The following DIP2C variants were observed in gnomAD, a reference collection of about 807,000 sequenced individuals.
DIP2C encodes disco-interacting protein 2 homolog C.
In DIP2C, 33 loss-of-function variants were observed where a neutral mutation model predicts 192.4. The observed-to-expected ratio is 0.17, with a 90% CI of 0.13 to 0.23. The LOEUF (loss-of-function observed/expected upper bound fraction) is 0.23, where lower values mean the gene tolerates loss of function less well. DIP2C is among the 10% of genes least tolerant of loss of function. DIP2C has a pLI of 1.00. For synonymous variants in DIP2C, 979 were observed against 864.1 expected, an observed-to-expected ratio of 1.13 and a Z score of -2.33; for missense variants, 1,537 against 2,110.1, an observed-to-expected ratio of 0.73 and a Z score of 5.32.
intron 10 of DIP2C, among the ~76,000 whole-genome samples, chr10:398,812 A>C (rs201038817): frequency 6.9e-6 from 1 of 144,000 alleles, no homozygotes; most frequent in Non-Finnish European, 1.5e-5. Flanking sequence ...TTAAAAAAAA[A>C]CTATCATTTA....
intron 1 of DIP2C, among the ~76,000 whole-genome samples, chr10:601,358 G>C (rs536971239): frequency 1.9e-4 from 9 of 46,200 alleles, no homozygotes; most frequent in African/African-American, 3.4e-4. Context: ...TCCCATTTTA[G>C]ATGTCCAAAT....
intron 1 of DIP2C, among the ~76,000 whole-genome samples, chr10:643,341 G>A (rs898288474): frequency 6.6e-6 from 1 of 152,026 alleles, no homozygotes; most frequent in East Asian, 1.9e-4. Context: ...GTAAAACCCC[G>A]TCTCTACTAA....
rs572043688 is a variant in DIP2C, at chr10:617,468, T to C, written c.85+72026A>G. Among the ~76,000 whole-genome samples the C allele has an allele frequency of 2.7e-4, 41 of 152,294 alleles. No individual in the cohort carries two copies. The South Asian group carries it at 3.9e-3, about 15-fold the overall frequency. The stretch of plus-strand genomic sequence containing the variant: ...ACGGCATCCAGCACACGTGGGACCC[T>C]AGCCGTGTTGCCCTTGATGGGAATC... On this transcript the variant is annotated intron_variant, in intron 1 of 36. Coordinates refer to ENST00000280886, the MANE Select transcript of DIP2C (RefSeq NM_014974.3).
At chr10:653,567 T>G (rs1259915255) in intron 1 of DIP2C, among the ~76,000 whole-genome samples, 1 of 152,250 alleles carries the variant, frequency 6.6e-6, no homozygotes, top group Non-Finnish European at 1.5e-5. Context: ...TTACATGAGC[T>G]ACGCTGCAAG....
At chr10:447,584 A>T (rs1968367991) in intron 3 of DIP2C, among the ~76,000 whole-genome samples, 1 of 137,528 alleles carries the variant, frequency 7.3e-6, no homozygotes, top group Non-Finnish European at 1.5e-5. Context: ...GATAATCAGG[A>T]TCACACACAG....
chr10:281,010 C>T (rs1041546965), intron 36 of DIP2C, among the ~76,000 whole-genome samples, 190 bp downstream of exon 36: 5 of 152,192 alleles, frequency 3.3e-5, no homozygotes, highest in African/African-American at 7.2e-5. Context: ...ATATATGGTA[C>T]ATTAACTCTA....
chr10:390,083 C>A lies in DIP2C; in HGVS notation c.1505G>T (p.Cys502Phe). 2 of 1,613,996 alleles carry A rather than the reference C, an allele frequency of 1.2e-6. No individual in the cohort carries two copies. The highest frequency in any genetic ancestry group is 1.1e-5 in the South Asian group (1 of 91,048). The change falls in exon 13 of 37, where the codon TGT (cysteine) becomes TTT (phenylalanine). Residue 502 changes from cysteine to phenylalanine, a missense_variant. Transcript: ENST00000280886. ...CACACCCAGCACACTGCCATCCTTA[C>A]ACGTCTTGTACTGAAACGAGACAAA... ...NDTAYIEYKT[C>F]KDGSVLGVTV...
intron 1 of DIP2C, among the ~76,000 whole-genome samples, chr10:681,953 G>A (rs1026325014): frequency 1.3e-5 from 2 of 152,276 alleles, no homozygotes; most frequent in African/African-American, 4.8e-5. Flanking sequence ...CAGGGACCCA[G>A]AGACCAAGCC....
chr10:307,163 C>A (rs1027991348), intron 32 of DIP2C, among the ~76,000 whole-genome samples: 2 of 152,246 alleles, frequency 1.3e-5, no homozygotes, highest in Non-Finnish European at 2.9e-5. Flanking sequence ...TCCTGTACAG[C>A]CTGCAGAACT....
intron 1 of DIP2C, among the ~76,000 whole-genome samples, chr10:545,052 A>AT (rs1848207064): frequency 6.6e-6 from 1 of 151,952 alleles, no homozygotes; most frequent in South Asian, 2.1e-4. Flanking sequence ...CAAGATTCCC[A>AT]TGTTAAAGCC....
At chr10:393,918 T>C (rs1177989891) in intron 10 of DIP2C, among the ~76,000 whole-genome samples, 1 of 151,192 alleles carries the variant, frequency 6.6e-6, no homozygotes, top group East Asian at 1.9e-4. Flanking sequence ...AAATACCCGT[T>C]GATGAGGATG....
chr10:662,027 A>AGCCTG (rs1444385873), intron 1 of DIP2C: 11 of 715,544 alleles, frequency 1.5e-5, no homozygotes, highest in Non-Finnish European at 2.6e-5. Context: ...GCCCCGCAGG[A>AGCCTG]GCCTGGCCTG....
chr10:473,116 T>G (rs1970767360), intron 2 of DIP2C, among the ~76,000 whole-genome samples: 1 of 152,224 alleles, frequency 6.6e-6, no homozygotes, highest in African/African-American at 2.4e-5. Flanking sequence ...TATGTTCGAC[T>G]ATGAATCACA....
chr10:391,105 G>C lies in DIP2C; in HGVS notation c.1261-242C>G, dbSNP rs572574027. Reference sequence around the variant, plus strand: ...CCCAGGTTTGTTGAGGGATAAATTAGAAGAGGGTGTGGAAAGTGCTCAGTG... The same window carrying C: ...CCCAGGTTTGTTGAGGGATAAATTACAAGAGGGTGTGGAAAGTGCTCAGTG... On this transcript the variant is annotated intron_variant, in intron 10 of 36. Coordinates refer to ENST00000280886, the MANE Select transcript of DIP2C (RefSeq NM_014974.3). 1.1e-4 allele frequency among the ~76,000 whole-genome samples: 16 copies of C among 152,348 alleles called. No individual in the cohort carries two copies. The East Asian group carries it at 3.1e-3, about 29-fold the overall frequency.
chr10:679,709 A>ATCTC lies in DIP2C; in HGVS notation c.85+9784_85+9785insGAGA, dbSNP rs1488253264. Among the ~76,000 whole-genome samples, 231 of 134,814 alleles carry ATCTC rather than the reference A, an allele frequency of 1.7e-3. 1 individual carries two copies. The highest frequency in any genetic ancestry group is 4.9e-3 in the Middle Eastern group (1 of 204). The allele number at this position is 134,814 out of a possible 152,430, so 88.4% of individuals were successfully genotyped here. A position where few individuals can be genotyped will look rare whatever the true frequency, so the allele number is the denominator to read the frequency against. On this transcript the variant is annotated intron_variant, in intron 1 of 36. Transcript: ENST00000280886. ...ACACATATCTGTGCTCCCCATGCCC[A>ATCTC]TGCTCCCTGCATCCGTCCTCCCCAC...
At chr10:476,000 C>A (rs1843001924) in intron 2 of DIP2C, among the ~76,000 whole-genome samples, 1 of 152,200 alleles carries the variant, frequency 6.6e-6, no homozygotes, top group Non-Finnish European at 1.5e-5. Flanking sequence ...CTGCTGAGGG[C>A]TCACGTTCAC....
chr10:434,064 G>A (rs922219059), intron 4 of DIP2C, among the ~76,000 whole-genome samples: 1 of 152,030 alleles, frequency 6.6e-6, no homozygotes, highest in African/African-American at 2.4e-5. Context: ...TCTGGATAAT[G>A]CAAGCACACT....
At chr10:555,363 C>T (rs530003532) in intron 1 of DIP2C, among the ~76,000 whole-genome samples, 9 of 152,058 alleles carry the variant, frequency 5.9e-5, no homozygotes, top group South Asian at 2.1e-4. Context: ...CAACATCGTG[C>T]GTCGGAAAAC....
intron 1 of DIP2C, among the ~76,000 whole-genome samples, chr10:589,741 A>G (rs182094957): frequency 3.9e-5 from 6 of 152,310 alleles, no homozygotes; most frequent in Admixed American, 1.3e-4. Context: ...CTCTAATGAG[A>G]TTCTTCCTCT....
Sources: gnomAD v4.1 joint callset for allele counts (sites outside exome capture counted in the v4.1 genomes callset) on GRCh38, gnomAD v4.1.1 for gene constraint, MANE v1.5 for transcripts, NCBI Gene and HGNC (gene_info 2026-07-23, HGNC 2026-07-21) for gene names.